Variants in ALK observed in about 807,000 individuals in gnomAD.
The protein encoded by ALK is ALK tyrosine kinase receptor.
ALK carries 74 observed loss-of-function variants against 163.1 expected under a neutral mutation model. The ratio of observed to expected loss-of-function variants is 0.45; its 90% confidence interval spans 0.38 to 0.55. The LOEUF (loss-of-function observed/expected upper bound fraction) is 0.55, where lower values mean the gene tolerates loss of function less well. Among genes scored for constraint, ALK ranks in the 20% least tolerant of loss-of-function variants. ALK has a pLI of 0.00. For missense variants in ALK, 2,063 were observed against 2,105.3 expected, an observed-to-expected ratio of 0.98 and a Z score of 0.39; for synonymous variants, 960 against 843.2, an observed-to-expected ratio of 1.14 and a Z score of -2.40.
rs757266498 is a variant in ALK, at chr2:29,799,638, G to A, written c.668-81941C>T. Reference sequence around the variant, plus strand: ...GTTCAAGGCTCAGTGAGCTATGATTGCACCACTGCACTCCATCCTGGGTCA... The same window carrying A: ...GTTCAAGGCTCAGTGAGCTATGATTACACCACTGCACTCCATCCTGGGTCA... On this transcript the variant is annotated intron_variant, in intron 1 of 28. Transcript: ENST00000389048. Among the ~76,000 whole-genome samples, 78 of 152,150 alleles carry A rather than the reference G, an allele frequency of 5.1e-4. 1 individual carries two copies. Among genetic ancestry groups the A allele is most frequent in the Non-Finnish European group, 8.8e-4 (60 of 68,040 alleles).
intron 26 of ALK, among the ~76,000 whole-genome samples, chr2:29,198,289 G>A (rs1167666055): frequency 6.6e-6 from 1 of 152,018 alleles, no homozygotes; most frequent in Non-Finnish European, 1.5e-5. Context: ...ATTTTAATAG[G>A]CAACTCAAAT....
At chr2:29,808,227 C>G (rs1664669124) in intron 1 of ALK, among the ~76,000 whole-genome samples, 1 of 152,100 alleles carries the variant, frequency 6.6e-6, no homozygotes, top group African/African-American at 2.4e-5. Context: ...ACAAATGTGA[C>G]CAGAGTTTGG....
chr2:29,385,924 A>G (rs1361432054), intron 4 of ALK, among the ~76,000 whole-genome samples: 1 of 152,260 alleles, frequency 6.6e-6, no homozygotes, highest in Non-Finnish European at 1.5e-5. Flanking sequence ...ACAAATTCTT[A>G]GAATCAGAGT....
intron 4 of ALK, among the ~76,000 whole-genome samples, chr2:29,397,011 G>A (rs1249131471): frequency 6.6e-6 from 1 of 152,048 alleles, no homozygotes; most frequent in Non-Finnish European, 1.5e-5. Context: ...TTTGGAGAAG[G>A]TGGCATGTGC....
chr2:29,842,900 T>G (rs1206487086), intron 1 of ALK, among the ~76,000 whole-genome samples: 5 of 152,144 alleles, frequency 3.3e-5, no homozygotes, highest in Non-Finnish European at 5.9e-5. Flanking sequence ...CTTCCTCGGA[T>G]GTTTCTGTGG....
At chr2:29,683,332 G>T (rs1441253884) in intron 3 of ALK, among the ~76,000 whole-genome samples, 1 of 152,044 alleles carries the variant, frequency 6.6e-6, no homozygotes, top group Non-Finnish European at 1.5e-5. Context: ...AGCTGAGATG[G>T]TGTCACTGCA....
chr2:29,349,949 T>C (rs1177351483), intron 5 of ALK, among the ~76,000 whole-genome samples: 1 of 152,152 alleles, frequency 6.6e-6, no homozygotes, highest in Non-Finnish European at 1.5e-5. Flanking sequence ...AAGGCAGGAA[T>C]CACTGAAACA....
intron 15 of ALK, among the ~76,000 whole-genome samples, chr2:29,231,873 G>A (rs564147100): frequency 9.2e-5 from 14 of 152,312 alleles, no homozygotes; most frequent in African/African-American, 2.9e-4. Context: ...ATTTTCCAGC[G>A]GGGATACGCT....
chr2:29,633,743 G>A (rs571492793), intron 3 of ALK, among the ~76,000 whole-genome samples: 2 of 152,142 alleles, frequency 1.3e-5, no homozygotes, highest in South Asian at 4.1e-4. Flanking sequence ...GGTTGCTATG[G>A]AGCATTCAAC....
At chr2:29,215,448 T>C (rs1318481699) in intron 23 of ALK, among the ~76,000 whole-genome samples, 1 of 152,128 alleles carries the variant, frequency 6.6e-6, no homozygotes, top group African/African-American at 2.4e-5. Flanking sequence ...TACCGGTGCC[T>C]TACATGCCCC....
intron 4 of ALK, among the ~76,000 whole-genome samples, chr2:29,512,014 A>G (rs1558359485): frequency 2.9e-5 from 4 of 139,840 alleles, no homozygotes; most frequent in Admixed American, 1.5e-4. Context: ...TTGTATTTTG[A>G]TTTTTCAAAT....
rs780939762 is a variant in ALK, at chr2:29,297,015, C to G, written c.1690G>C (p.Val564Leu). 1 of 1,614,200 alleles carries G rather than the reference C, an allele frequency of 6.2e-7. No homozygotes were observed. The highest frequency in any genetic ancestry group is 8.5e-7 in the Non-Finnish European group (1 of 1,180,032). The stretch of plus-strand genomic sequence containing the variant: ...TTGTTCTCCACTAGCACCAAGGACA[C>G]GTTTCCCCTCAAGACTCCACGAATG... The part of the protein sequence containing the change: ...WLIRGVLRGN[V>L]SLVLVENKTG... The change falls in exon 9 of 29, where the codon GTG becomes CTG. Residue 564 changes from valine to leucine, a missense_variant. Coordinates refer to ENST00000389048, the MANE Select transcript of ALK (RefSeq NM_004304.5).
At chr2:29,491,344 A>T (rs539689156) in intron 4 of ALK, among the ~76,000 whole-genome samples, 1 of 152,280 alleles carries the variant, frequency 6.6e-6, no homozygotes, top group East Asian at 1.9e-4. Flanking sequence ...ATATGTACTC[A>T]GTAAGTATGC....
intron 6 of ALK, among the ~76,000 whole-genome samples, chr2:29,321,262 G>A (rs930592435): frequency 1.3e-5 from 2 of 152,274 alleles, no homozygotes. Context: ...TCTAAATTCT[G>A]CACTCTTTAT....
At chr2:29,664,748 C>T (rs1002313911) in intron 3 of ALK, among the ~76,000 whole-genome samples, 1 of 152,086 alleles carries the variant, frequency 6.6e-6, no homozygotes, top group Non-Finnish European at 1.5e-5. Flanking sequence ...TAATGGCTTC[C>T]AACTACTGAA....
chr2:29,285,949 G>A (rs1222360560), intron 9 of ALK, among the ~76,000 whole-genome samples: 1 of 152,102 alleles, frequency 6.6e-6, no homozygotes, highest in Non-Finnish European at 1.5e-5. Flanking sequence ...AGATTTCTCA[G>A]GATTCTCTGA....
rs979985678 is a variant in ALK, at chr2:29,420,215, C to A, written c.1155-36356G>T. Among the ~76,000 whole-genome samples the A allele has an allele frequency of 2.4e-4, 35 of 143,654 alleles. 1 individual carries two copies. The highest frequency in any genetic ancestry group is 1.2e-3 in the Admixed American group (18 of 14,464). The allele number at this position is 143,654 out of a possible 152,430, so 94.2% of individuals were successfully genotyped here. On this transcript the variant is annotated intron_variant, in intron 4 of 28. Transcript: ENST00000389048. ...CAACTGCAAGCTCCAATGCATCATA[C>A]AAATCCAACTTTTGATTTTTAATGA...
At chr2:29,767,551 C>T (rs1164016713) in intron 1 of ALK, among the ~76,000 whole-genome samples, 1 of 152,186 alleles carries the variant, frequency 6.6e-6, no homozygotes, top group African/African-American at 2.4e-5. Context: ...AAACATATGT[C>T]CTACTTTCTC....
chr2:29,328,453 C>T lies in ALK; in HGVS notation c.1311G>A (p.Leu437=), dbSNP rs757241673. Residue 437 remains leucine (L), a synonymous_variant, in exon 6 of 29, where the codon CTG becomes CTA. Coordinates refer to ENST00000389048, the MANE Select transcript of ALK (RefSeq NM_004304.5). ...EGTSPGSKMA[L]QSSFTCWNGT... ...CATTCCAACAAGTGAAGGAGCTCTG[C>T]AGGGCCATCTTGGAGCCTGGGGATG... The T allele has an allele frequency of 3.7e-6, 6 of 1,614,100 alleles. No homozygotes were observed. The South Asian group carries it at 6.6e-5, about 18-fold the overall frequency.
Sources: allele counts gnomAD v4.1 joint callset (sites outside exome capture counted in the v4.1 genomes callset), GRCh38; gene constraint gnomAD v4.1.1; transcripts MANE v1.5; gene names NCBI Gene and HGNC (gene_info 2026-07-23, HGNC 2026-07-21).